The following SPTA1 variants were observed in gnomAD, a reference collection of about 807,000 sequenced individuals.
SPTA1 encodes the protein spectrin alpha, erythrocytic 1.
Under a neutral mutation model 324.7 loss-of-function variants are expected in SPTA1, and 177 were observed. That is an observed-to-expected ratio of 0.55 (90% CI 0.48 to 0.62). The LOEUF (loss-of-function observed/expected upper bound fraction) is 0.62. SPTA1 is among the 20% of genes least tolerant of loss of function. The pLI is 0.00. For missense variants in SPTA1, 3,162 were observed against 2,883.6 expected (o/e 1.10, Z -2.21); for synonymous variants, 1,195 against 1,041.3 (o/e 1.15, Z -2.84).
At chr1:158,676,106 G>T in intron 8 of SPTA1, 35 bp downstream of exon 8, 2 of 1,612,590 alleles carry the variant, frequency 1.2e-6, no homozygotes, top group Non-Finnish European at 1.7e-6. Context: ...GCCCTGTAGA[G>T]ATAGGTAGAG....
chr1:158,628,170 A>G (rs1271052842), intron 39 of SPTA1, among the ~76,000 whole-genome samples: 1 of 152,180 alleles, frequency 6.6e-6, no homozygotes, highest in Non-Finnish European at 1.5e-5. Context: ...GATTACTCCA[A>G]TAGTTCTCTG....
At chr1:158,666,220 T>TTAATAAGTAATAATTACTTATTAAGC (rs1557976331) in intron 16 of SPTA1, 96 bp downstream of exon 16, 3 of 1,258,336 alleles carry the variant, frequency 2.4e-6, no homozygotes, top group African/African-American at 3.0e-5. Flanking sequence ...ACTTATTAAG[T>TTAATAAGTAATAATTACTTATTAAGC]AATTAATAAG....
rs1447521175 is a variant in SPTA1 at position 158,626,998 on chromosome 1, C to T, written c.5674G>A (p.Glu1892Lys). ...GAAATCTCTTTGTTCTGACTTTCCT[C>T]CTGCAACACCTGTGAGAAGGGGAGA... ...GEDILNKVLQ[E>K]ESQNKEISSK... Residue 1892 changes from glutamate to lysine, a missense_variant, in exon 41 of 52, where the codon GAG becomes AAG. Glu to Lys is a moderately conservative substitution (Grantham distance 56). Coordinates refer to ENST00000643759, the MANE Select transcript of SPTA1 (RefSeq NM_003126.4). The T allele has an allele frequency of 2.5e-6, 4 of 1,613,642 alleles. No individual in the cohort carries two copies. The African/African-American group carries it at 5.3e-5, about 22-fold the overall frequency.
Position 158,619,242 on chromosome 1 carries a change from A to C in SPTA1, c.6510T>G (p.Leu2170=). Residue 2170 remains leucine (L), a synonymous_variant, in exon 45 of 52, where the codon CTT becomes CTG. Transcript: ENST00000643759. ...CACACCTGGTTTCCAGGATCCATTG[A>C]AGGAAGGTACTGGCATTCTGTTCAA... ...QEFEQNASTF[L]QWILETRAYF... 6.2e-7 allele frequency: 1 copy of C among 1,614,092 alleles called. No homozygotes were observed. The highest frequency in any genetic ancestry group is 8.5e-7 in the Non-Finnish European group (1 of 1,179,970).
rs992841030 is a variant in SPTA1 at position 158,648,561 on chromosome 1, A to G, written c.3662T>C (p.Leu1221Pro). 1.2e-6 allele frequency: 2 copies of G among 1,614,066 alleles called. No individual in the cohort carries two copies. Among genetic ancestry groups the G allele is most frequent in the Non-Finnish European group, 1.7e-6 (2 of 1,179,976 alleles). The change falls in exon 26 of 52, where the codon CTT (leucine) becomes CCT (proline). Residue 1221 changes from leucine to proline, a missense_variant. Leu to Pro is a moderately conservative substitution (Grantham distance 98). Transcript: ENST00000643759. ...TTCAAAGCCCTCATGCCGTCGCTGA[A>G]GAGCCTGAACACTGAACAGATCTGA... ...PGSDLFSVQALQRRHEGFERD... is the reference protein window; with the variant it reads ...PGSDLFSVQAPQRRHEGFERD...
intron 27 of SPTA1, among the ~76,000 whole-genome samples, chr1:158,646,283 C>T (rs1027142334): frequency 6.6e-6 from 1 of 152,150 alleles, no homozygotes; most frequent in African/African-American, 2.4e-5. Context: ...AATTAAGCAT[C>T]TCATAAAGAA....
At position 158,667,958 on chromosome 1, in the gene SPTA1, C is replaced by T. The variant is rs1653728480; in HGVS notation, c.1938G>A (p.Glu646=). 1.2e-6 allele frequency: 2 copies of T among 1,613,916 alleles called. No homozygotes were observed. The highest frequency in any genetic ancestry group is 1.7e-5 in the Admixed American group (1 of 59,986). Residue 646 remains glutamate (E), a synonymous_variant, in exon 15 of 52, where the codon GAG becomes GAA. Coordinates refer to ENST00000643759, the MANE Select transcript of SPTA1 (RefSeq NM_003126.4). ...QLENIQKTGQ[E]MIEGGHYASD... is the part of the protein sequence containing the mutation. ...AGGCATAGTGACCACCCTCAATCAT[C>T]TCTTGGCCAGTTTTCTGTATGTTTT... is the stretch of plus-strand genomic sequence containing the variant.
At position 158,618,249 on chromosome 1, in the gene SPTA1, A is replaced by G. The variant is rs115145959; in HGVS notation, c.6531-193T>C. The G allele has an allele frequency of 3.4e-3, 2,114 of 622,132 alleles. 33 individuals are homozygous for G. In the African/African-American group the frequency reaches 0.035, roughly 10 times the overall value. The allele number at this position is 622,132 out of a possible 1,614,324, so 38.5% of individuals were successfully genotyped here. On this transcript the variant is annotated intron_variant, in intron 45 of 51. Transcript: ENST00000643759. ...CTCTGAGAAGATCAGAGTCTCCCAT[A>G]AAGCTCCTTGCTTCAGGACAAGGAG...
At position 158,642,835 on chromosome 1, in the gene SPTA1, G is replaced by A. The variant is rs1253710763; in HGVS notation, c.4584C>T (p.Tyr1528=). 1 of 1,613,740 alleles carries A rather than the reference G, an allele frequency of 6.2e-7. No individual in the cohort carries two copies. The highest frequency in any genetic ancestry group is 8.5e-7 in the Non-Finnish European group (1 of 1,179,878). The stretch of plus-strand genomic sequence containing the variant: ...TTGCCTGAATGTTAGTGGCGTCTTT[G>A]TAGGATTCATCACAGGCTGTGGGCA... ...EMLPTACDES[Y]KDATNIQRKY... The change falls in exon 32 of 52, where the codon TAC becomes TAT. Residue 1528 remains tyrosine (Y), a synonymous_variant. Coordinates refer to ENST00000643759, the MANE Select transcript of SPTA1 (RefSeq NM_003126.4).
At position 158,680,577 on chromosome 1, in the gene SPTA1, C is replaced by T. The variant is rs1181095523; in HGVS notation, c.678+6G>A. 6 of 1,613,612 alleles carry T rather than the reference C, an allele frequency of 3.7e-6. No homozygotes were observed. Among genetic ancestry groups the T allele is most frequent in the Non-Finnish European group, 5.1e-6 (6 of 1,179,810 alleles). Reference sequence around the variant, plus strand: ...GCACGGAGTGAATATTTTGCTCCCACCTCACCTCGGCACACTCATTGGCAT... The same window carrying T: ...GCACGGAGTGAATATTTTGCTCCCATCTCACCTCGGCACACTCATTGGCAT... On this transcript the variant is annotated splice_donor_region_variant and intron_variant, in intron 5 of 51. Transcript: ENST00000643759.
rs758168037 is a variant in SPTA1 at position 158,672,171 on chromosome 1, G to A, written c.1376C>T (p.Thr459Ile). The A allele has an allele frequency of 1.2e-6, 2 of 1,613,930 alleles. No homozygotes were observed. The change falls in exon 11 of 52, where the codon ACT becomes ATT. Residue 459 changes from threonine to isoleucine, a missense_variant. Physicochemically the swap from Thr to Ile is moderately conservative, Grantham distance 89 (BLOSUM62 -1). Coordinates refer to ENST00000643759, the MANE Select transcript of SPTA1 (RefSeq NM_003126.4). ...CTCGTCCCACAGTTCCAGCAGGGCA[G>A]TCCAGTTGTTGTCAAGTATTTCCAT... ...EKMEILDNNWTALLELWDERH... is the reference protein window; with the variant it reads ...EKMEILDNNWIALLELWDERH...
intron 39 of SPTA1, among the ~76,000 whole-genome samples, chr1:158,633,182 G>A (rs1209384096): frequency 6.6e-6 from 1 of 152,142 alleles, no homozygotes; most frequent in Non-Finnish European, 1.5e-5. Flanking sequence ...GGAAGAGGAG[G>A]TGGCTATAAA....
intron 47 of SPTA1, among the ~76,000 whole-genome samples, chr1:158,616,768 T>A (rs1649580254): frequency 6.6e-6 from 1 of 152,338 alleles, no homozygotes. Flanking sequence ...TTCTTTTAGA[T>A]ATATACCCAG....
intron 48 of SPTA1, chr1:158,614,594 A>C: frequency 2.9e-6 from 1 of 346,550 alleles, no homozygotes; most frequent in East Asian, 5.6e-5. Flanking sequence ...ATGTCCATAT[A>C]TAAAGCTTTA....
Position 158,652,626 on chromosome 1 carries a change from T to C in SPTA1, c.3216A>G (p.Glu1072=), listed in dbSNP as rs1272860435. 4 of 1,614,058 alleles carry C rather than the reference T, an allele frequency of 2.5e-6. No individual in the cohort carries two copies. In the African/African-American group the frequency reaches 5.3e-5, roughly 22 times the overall value. Residue 1072 remains glutamate (E), a synonymous_variant, in exon 23 of 52, where the codon GAA becomes GAG. Coordinates refer to ENST00000643759, the MANE Select transcript of SPTA1 (RefSeq NM_003126.4). ...NQYRSLLDRA[E]ERRRRLLQRY... is the part of the protein sequence containing the mutation. Reference sequence around the variant, plus strand: ...GTTGCAATAGACGACGTCTGCGTTCTTCTGCCCGATCCAAGAGGGAGCGGT... The same window carrying C: ...GTTGCAATAGACGACGTCTGCGTTCCTCTGCCCGATCCAAGAGGGAGCGGT...
intron 18 of SPTA1, among the ~76,000 whole-genome samples, chr1:158,659,840 G>T (rs1325313499): frequency 1.6e-5 from 1 of 62,578 alleles, no homozygotes; most frequent in Non-Finnish European, 2.6e-5. Flanking sequence ...TCGATCTCCT[G>T]ACCTCATGAT....
intron 19 of SPTA1, among the ~76,000 whole-genome samples, chr1:158,656,892 T>C (rs1432436237): frequency 6.6e-6 from 1 of 152,240 alleles, no homozygotes; most frequent in Admixed American, 6.5e-5. Flanking sequence ...AAAGTATTTT[T>C]ATCAACACAG....
At chr1:158,613,481 A>G (rs901191481) in intron 50 of SPTA1, among the ~76,000 whole-genome samples, 9 of 152,154 alleles carry the variant, frequency 5.9e-5, no homozygotes, top group Admixed American at 2.6e-4. Context: ...AAATTCATAG[A>G]TTGAACATAA....
chr1:158,614,917 A>C, intron 48 of SPTA1: 3 of 333,376 alleles, frequency 9.0e-6, no homozygotes, highest in East Asian at 5.8e-5. Context: ...ATGAAAGGGA[A>C]TGGTTTCCTA....
Sources: gnomAD v4.1 joint callset for allele counts (sites outside exome capture counted in the v4.1 genomes callset) on GRCh38, gnomAD v4.1.1 for gene constraint, MANE v1.5 for transcripts, NCBI Gene and HGNC (gene_info 2026-07-23, HGNC 2026-07-21) for gene names.